PRKCA: variants seen among roughly 807,000 people sequenced by gnomAD.
PRKCA encodes the protein protein kinase C alpha type.
Under a neutral mutation model 87.0 loss-of-function variants are expected in PRKCA, and 27 were observed. The observed-to-expected ratio is 0.31, with a 90% CI of 0.23 to 0.43. PRKCA has a LOEUF of 0.43. Ranked by LOEUF, PRKCA falls within the 20% of genes least tolerant of loss-of-function variation. The pLI is 1.00. For missense variants in PRKCA, 518 were observed against 852.3 expected (o/e 0.61, Z 4.88); for synonymous variants, 329 against 311.1 (o/e 1.06, Z -0.61).
rs1191158029 is a variant in PRKCA, at chr17:66,798,378, CGGT to C, written c.1855-5469_1855-5467del. On this transcript the variant is annotated intron_variant, in intron 16 of 16. Coordinates refer to ENST00000413366, the MANE Select transcript of PRKCA (RefSeq NM_002737.3). The stretch of plus-strand genomic sequence containing the variant: ...GGTTTTCCTTATCTTTTTCAGTAGG[CGGT>C]GGTGGTGGTGGTGGTGGTGGTGGTG... Among the ~76,000 whole-genome samples, 114 of 54,878 alleles carry C rather than the reference CGGT, an allele frequency of 2.1e-3. 2 individuals are homozygous for C. Among genetic ancestry groups the C allele is most frequent in the East Asian group, 8.1e-3 (15 of 1,858 alleles). The allele number at this position is 54,878 out of a possible 152,430, so 36.0% of individuals were successfully genotyped here.
Position 66,793,316 on chromosome 17 carries a change from G to A in PRKCA, c.1854+4337G>A, listed in dbSNP as rs139702731. Among the ~76,000 whole-genome samples, 1,022 of 152,192 alleles carry A rather than the reference G, an allele frequency of 6.7e-3. 10 individuals carry two copies. Among genetic ancestry groups the A allele is most frequent in the Non-Finnish European group, 8.6e-3 (587 of 68,006 alleles). On this transcript the variant is annotated intron_variant, in intron 16 of 16. Coordinates refer to ENST00000413366, the MANE Select transcript of PRKCA (RefSeq NM_002737.3). ...TCAAAAAGAGGCCTGTAGGCCAGGC[G>A]TGGTGGCTCACGCCTGTAATCCCAG... is the stretch of plus-strand genomic sequence containing the variant.
At chr17:66,731,275 C>T (rs188053895) in intron 8 of PRKCA, among the ~76,000 whole-genome samples, 2,892 of 144,392 alleles carry the variant, frequency 0.02, 42 homozygotes, top group Non-Finnish European at 0.031. Context: ...ACCTGGGAGG[C>T]GGAGGTTGCA....
intron 8 of PRKCA, among the ~76,000 whole-genome samples, chr17:66,707,122 C>G (rs1973212285): frequency 6.6e-6 from 1 of 152,162 alleles, no homozygotes; most frequent in South Asian, 2.1e-4. Context: ...ATCCACCATG[C>G]TCATTAATGC....
At chr17:66,746,555 T>A (rs1974291035) in intron 13 of PRKCA, among the ~76,000 whole-genome samples, 1 of 152,230 alleles carries the variant, frequency 6.6e-6, no homozygotes, top group African/African-American at 2.4e-5. Flanking sequence ...TTATCTTGCA[T>A]GGCATTCTCC....
intron 3 of PRKCA, among the ~76,000 whole-genome samples, chr17:66,513,909 G>A (rs1966880645): frequency 6.6e-6 from 1 of 152,110 alleles, no homozygotes; most frequent in Non-Finnish European, 1.5e-5. Flanking sequence ...GACATAGGGA[G>A]ATTTTCTTTT....
chr17:66,510,757 T>A (rs189610125), intron 3 of PRKCA, among the ~76,000 whole-genome samples: 202 of 152,270 alleles, frequency 1.3e-3, no homozygotes, highest in African/African-American at 4.6e-3. Flanking sequence ...TTTTATTATT[T>A]TTTTTTGAGA....
chr17:66,649,216 A>G (rs1971528163), intron 5 of PRKCA, among the ~76,000 whole-genome samples: 1 of 152,238 alleles, frequency 6.6e-6, no homozygotes, highest in African/African-American at 2.4e-5. Context: ...AAGGACCACA[A>G]GTGGTACTAA....
chr17:66,479,694 G>A (rs1166494798), intron 2 of PRKCA, among the ~76,000 whole-genome samples: 1 of 152,200 alleles, frequency 6.6e-6, no homozygotes, highest in Non-Finnish European at 1.5e-5. Flanking sequence ...ACGAGATCAT[G>A]TCCTTTGCAG....
At chr17:66,454,398 G>A (rs1437430371) in intron 2 of PRKCA, among the ~76,000 whole-genome samples, 4 of 152,204 alleles carry the variant, frequency 2.6e-5, no homozygotes, top group Non-Finnish European at 5.9e-5. Flanking sequence ...TGGGATAAAT[G>A]ATAAAACATT....
chr17:66,486,948 A>G (rs1362533991), intron 2 of PRKCA, among the ~76,000 whole-genome samples: 3 of 152,200 alleles, frequency 2.0e-5, no homozygotes, highest in Non-Finnish European at 4.4e-5. Context: ...CAAAATATGT[A>G]CAACTATTAT....
intron 2 of PRKCA, among the ~76,000 whole-genome samples, chr17:66,358,851 T>C (rs757444435): frequency 1.3e-5 from 2 of 151,794 alleles, no homozygotes; most frequent in Admixed American, 6.6e-5. Flanking sequence ...TTCTGCTTGA[T>C]TTCTATGGTT....
At position 66,752,829 on chromosome 17, in the gene PRKCA, C is replaced by T. The variant is rs1249874171; in HGVS notation, c.1524+10069C>T. ...TGACATGGTGCTGGCTACTAAAAGG[C>T]CAAAAACAGAAGCCACAGGCTGCTG... is the stretch of plus-strand genomic sequence containing the variant. On this transcript the variant is annotated intron_variant, in intron 13 of 16. Transcript: ENST00000413366. Among the ~76,000 whole-genome samples, 5 of 152,244 alleles carry T rather than the reference C, an allele frequency of 3.3e-5. No homozygotes were observed. In the East Asian group the frequency reaches 9.7e-4, roughly 29 times the overall value.
At chr17:66,328,830 C>G (rs1249311636) in intron 2 of PRKCA, among the ~76,000 whole-genome samples, 1 of 152,160 alleles carries the variant, frequency 6.6e-6, no homozygotes, top group African/African-American at 2.4e-5. Flanking sequence ...AGGCAGATCT[C>G]ATTTGCTGGA....
intron 2 of PRKCA, among the ~76,000 whole-genome samples, chr17:66,375,706 A>C (rs1317302580): frequency 6.6e-6 from 1 of 152,140 alleles, no homozygotes; most frequent in Non-Finnish European, 1.5e-5. Flanking sequence ...TTTACACTTC[A>C]GGTCATCTAC....
At chr17:66,631,191 T>A (rs930977258) in intron 3 of PRKCA, among the ~76,000 whole-genome samples, 9 of 152,222 alleles carry the variant, frequency 5.9e-5, no homozygotes, top group African/African-American at 2.2e-4. Context: ...GTTAGCAGTA[T>A]AATCTAGTCT....
chr17:66,623,393 G>A (rs1009954308), intron 3 of PRKCA, among the ~76,000 whole-genome samples: 3 of 152,156 alleles, frequency 2.0e-5, no homozygotes, highest in African/African-American at 7.2e-5. Flanking sequence ...GTAATGGTGT[G>A]TCACCCACGA....
At chr17:66,712,865 A>G (rs1973366437) in intron 8 of PRKCA, among the ~76,000 whole-genome samples, 1 of 152,166 alleles carries the variant, frequency 6.6e-6, no homozygotes, top group African/African-American at 2.4e-5. Flanking sequence ...TAAATGAGTA[A>G]GTATGGAAGG....
At chr17:66,641,628 A>G (rs972449194) in intron 4 of PRKCA, among the ~76,000 whole-genome samples, 162 bp downstream of exon 4, 2 of 151,522 alleles carry the variant, frequency 1.3e-5, no homozygotes, top group African/African-American at 4.9e-5. Context: ...TTCCACTGTC[A>G]AAGTTCCAGG....
At chr17:66,710,985 G>A (rs1320776775) in intron 8 of PRKCA, among the ~76,000 whole-genome samples, 1 of 152,120 alleles carries the variant, frequency 6.6e-6, no homozygotes, top group African/African-American at 2.4e-5. Context: ...GGAGGTTGCA[G>A]TGAGCCGAGA....
Sources: allele counts gnomAD v4.1 joint callset (sites outside exome capture counted in the v4.1 genomes callset), GRCh38; gene constraint gnomAD v4.1.1; transcripts MANE v1.5; gene names NCBI Gene and HGNC (gene_info 2026-07-23, HGNC 2026-07-21).